XKR6: variants seen among roughly 807,000 people sequenced by gnomAD.
XKR6 encodes XK-related protein 6.
Under a neutral mutation model 56.7 loss-of-function variants are expected in XKR6, and 22 were observed. The observed-to-expected ratio is 0.39, with a 90% CI of 0.28 to 0.55. XKR6 has a LOEUF of 0.55. XKR6 is among the 20% of genes least tolerant of loss of function. The pLI, the probability that XKR6 is intolerant of heterozygous loss-of-function variation, is 0.66. For missense variants in XKR6, 852 were observed against 889.0 expected, an observed-to-expected ratio of 0.96 and a Z score of 0.53; for synonymous variants, 524 against 387.8, an observed-to-expected ratio of 1.35 and a Z score of -4.13.
chr8:11,078,869 A>AG (rs1248993075), intron 1 of XKR6, among the ~76,000 whole-genome samples: 1 of 152,186 alleles, frequency 6.6e-6, no homozygotes. Flanking sequence ...AGGCCTCCCA[A>AG]GGGGGGCCAG....
At chr8:11,142,519 C>T (rs562865101) in intron 1 of XKR6, among the ~76,000 whole-genome samples, 43 of 152,284 alleles carry the variant, frequency 2.8e-4, no homozygotes, top group Admixed American at 2.5e-3. Flanking sequence ...TCATGAATGG[C>T]TTAACACCAT....
At chr8:11,076,585 A>G (rs1312927070) in intron 1 of XKR6, among the ~76,000 whole-genome samples, 1 of 152,008 alleles carries the variant, frequency 6.6e-6, no homozygotes, top group African/African-American at 2.4e-5. Flanking sequence ...CTAAATTTCA[A>G]TTTTCTAACC....
intron 1 of XKR6, among the ~76,000 whole-genome samples, chr8:10,943,850 C>A (rs1020590688): frequency 1.7e-4 from 26 of 152,108 alleles, no homozygotes; most frequent in African/African-American, 6.0e-4. Flanking sequence ...CACATCCCTA[C>A]GAATGAGATC....
At chr8:11,034,285 G>T (rs1449107204) in intron 1 of XKR6, among the ~76,000 whole-genome samples, 4 of 152,178 alleles carry the variant, frequency 2.6e-5, no homozygotes, top group Non-Finnish European at 5.9e-5. Context: ...GCATGGAGGA[G>T]CCAGCACTTC....
At chr8:10,927,043 G>A (rs547688404) in intron 1 of XKR6, among the ~76,000 whole-genome samples, 3 of 152,342 alleles carry the variant, frequency 2.0e-5, no homozygotes, top group South Asian at 4.1e-4. Flanking sequence ...AAACTTGGGG[G>A]TCTGAGGAGA....
intron 1 of XKR6, among the ~76,000 whole-genome samples, chr8:11,043,537 G>T (rs1379775173): frequency 1.3e-5 from 2 of 152,214 alleles, no homozygotes; most frequent in Non-Finnish European, 2.9e-5. Context: ...TGCCCCAGCA[G>T]CTGCAGAGCC....
chr8:11,012,507 T>A (rs1798523656), intron 1 of XKR6, among the ~76,000 whole-genome samples: 1 of 152,106 alleles, frequency 6.6e-6, no homozygotes, highest in South Asian at 2.1e-4. Flanking sequence ...ATCATCACCA[T>A]CACCATCACC....
At chr8:11,068,343 G>A (rs2129166246) in intron 1 of XKR6, among the ~76,000 whole-genome samples, 1 of 152,166 alleles carries the variant, frequency 6.6e-6, no homozygotes, top group South Asian at 2.1e-4. Flanking sequence ...TGGGGGGCTG[G>A]GCAGGCTGAA....
chr8:11,100,420 C>A (rs1275521702), intron 1 of XKR6, among the ~76,000 whole-genome samples: 1 of 152,158 alleles, frequency 6.6e-6, no homozygotes, highest in Non-Finnish European at 1.5e-5. Context: ...TAATGGGACA[C>A]GGAGTCCTTA....
intron 1 of XKR6, among the ~76,000 whole-genome samples, chr8:11,013,494 G>A (rs1347969537): frequency 6.6e-6 from 1 of 152,182 alleles, no homozygotes; most frequent in Non-Finnish European, 1.5e-5. Flanking sequence ...GGTCAGCCTG[G>A]CAGAGGTGGG....
At chr8:11,004,109 G>A (rs10102909) in intron 1 of XKR6, among the ~76,000 whole-genome samples, 10,973 of 152,224 alleles carry the variant, frequency 0.072, 1,336 homozygotes, top group African/African-American at 0.25. Context: ...GAGATGGAGC[G>A]AAGTCTGGGA....
chr8:11,107,565 G>C (rs566629717), intron 1 of XKR6, among the ~76,000 whole-genome samples: 1 of 152,312 alleles, frequency 6.6e-6, no homozygotes, highest in East Asian at 1.9e-4. Flanking sequence ...TGAGGACAGA[G>C]AATGCAGATC....
At chr8:11,048,696 C>G (rs13264636) in intron 1 of XKR6, among the ~76,000 whole-genome samples, 24,298 of 152,214 alleles carry the variant, frequency 0.16, 2,349 homozygotes, top group Middle Eastern at 0.27. Flanking sequence ...CTGGGTGACT[C>G]TGGACTCCGC....
At chr8:11,000,455 G>T (rs145790766) in intron 1 of XKR6, among the ~76,000 whole-genome samples, 2 of 152,174 alleles carry the variant, frequency 1.3e-5, no homozygotes, top group African/African-American at 4.8e-5. Flanking sequence ...GGAAACTGAG[G>T]TGGATGCATC....
At position 11,187,175 on chromosome 8, in the gene XKR6, T is replaced by C. The variant is rs1174392953; in HGVS notation, c.764+13401A>G. ...TCCTGCTTCATGTGTGTTGTTCAAA[T>C]ACCAATGCTGCATCAAGAAATTATA... On this transcript the variant is annotated intron_variant, in intron 1 of 2. Coordinates refer to ENST00000416569, the MANE Select transcript of XKR6 (RefSeq NM_173683.4). Among the ~76,000 whole-genome samples the C allele has an allele frequency of 2.0e-5, 3 of 152,196 alleles. No individual in the cohort carries two copies. In the East Asian group the frequency reaches 5.8e-4, roughly 29 times the overall value.
At chr8:11,085,185 G>T (rs776833686) in intron 1 of XKR6, among the ~76,000 whole-genome samples, 16 of 152,146 alleles carry the variant, frequency 1.1e-4, no homozygotes, top group Non-Finnish European at 4.4e-5. Flanking sequence ...AGATCTCTGT[G>T]GGCATCACAC....
At chr8:11,145,639 T>C (rs1400855348) in intron 1 of XKR6, among the ~76,000 whole-genome samples, 1 of 151,952 alleles carries the variant, frequency 6.6e-6, no homozygotes, top group Non-Finnish European at 1.5e-5. Flanking sequence ...CAGAGAGAAA[T>C]CTGACAAAAG....
In XKR6 at chr8:11,201,673, C is replaced by A. The variant is rs1426900273; in HGVS notation, c.-334G>T. Among the ~76,000 whole-genome samples the A allele has an allele frequency of 6.6e-6, 1 of 152,234 alleles. No individual in the cohort carries two copies. Among genetic ancestry groups the A allele is most frequent in the Non-Finnish European group, 1.5e-5 (1 of 68,040 alleles). The stretch of plus-strand genomic sequence containing the variant: ...GGCTCCCCTTCCCCTCTTCCGTTGA[C>A]CCCGAAACCCATCAGGTTGACCCCT... On this transcript the variant is annotated 5_prime_UTR_variant, in exon 1 of 3. Coordinates refer to ENST00000416569, the MANE Select transcript of XKR6 (RefSeq NM_173683.4).
In XKR6 at chr8:10,898,976, T is replaced by G; in HGVS notation, c.962-60A>C. ...CTTGGACATCAACCGCAGGGCACAG[T>G]GAAGCTGCCGGCTGAGGAGACGCCC... On this transcript the variant is annotated intron_variant, in intron 2 of 2. Transcript: ENST00000416569. The surrounding 1 kb of genome is among the most constrained non-coding windows in gnomAD (Gnocchi z 6.6). The G allele has an allele frequency of 6.6e-7, 1 of 1,521,454 alleles. No homozygotes were observed. Among genetic ancestry groups the G allele is most frequent in the Non-Finnish European group, 8.8e-7 (1 of 1,142,414 alleles). 94.2% of individuals were successfully genotyped at this position (1,521,454 alleles called of 1,614,324 possible).
Sources: gnomAD v4.1 joint callset for allele counts (sites outside exome capture counted in the v4.1 genomes callset) on GRCh38, gnomAD v4.1.1 for gene constraint, Gnocchi (gnomAD v3.1) non-coding constraint, MANE v1.5 for transcripts, NCBI Gene and HGNC (gene_info 2026-07-23, HGNC 2026-07-21) for gene names.